The following OSBPL9 variants were observed in gnomAD, a reference collection of about 807,000 sequenced individuals.
OSBPL9 encodes oxysterol binding protein like 9.
A neutral mutation model predicts 106.6 loss-of-function variants in OSBPL9; 40 were observed. That is an observed-to-expected ratio of 0.38 (90% CI 0.29 to 0.49). The LOEUF (loss-of-function observed/expected upper bound fraction) is 0.49, where lower values mean the gene tolerates loss of function less well. Ranked by LOEUF, OSBPL9 falls within the 20% of genes least tolerant of loss-of-function variation. The pLI is 0.97. For missense variants in OSBPL9, 609 were observed against 887.2 expected (o/e 0.69, Z 3.98); for synonymous variants, 269 against 295.4 (o/e 0.91, Z 0.92).
At chr1:51,756,404 A>T (rs998711067) in intron 9 of OSBPL9, 46 bp downstream of exon 9, 1 of 1,562,430 alleles carries the variant, frequency 6.4e-7, no homozygotes, top group African/African-American at 1.4e-5. Context: ...TCTGCAGAGC[A>T]TTATAACCAG....
Position 51,785,587 on chromosome 1 carries a change from G to A in OSBPL9, c.1830-221G>A, listed in dbSNP as rs988946051. 5 of 539,850 alleles carry A rather than the reference G, an allele frequency of 9.3e-6. No individual in the cohort carries two copies. In the African/African-American group the frequency reaches 9.9e-5, roughly 11 times the overall value. 33.4% of individuals were successfully genotyped at this position (539,850 alleles called of 1,614,324 possible). On this transcript the variant is annotated intron_variant, in intron 20 of 23. Transcript: ENST00000428468. ...CTTGCACCCAGAATAGGACGTTCTT[G>A]CCCAAACCCACCATTCTTGGGATCT...
At chr1:51,542,536 G>GC in the OSBPL9 span, among the ~76,000 whole-genome samples, 4 of 152,334 alleles carry the variant, frequency 2.6e-5, no homozygotes, top group Middle Eastern at 3.4e-3. Flanking sequence ...CTATAAGGCA[G>GC]CACTCGATAG....
intron 8 of OSBPL9, chr1:51,752,399 G>A: frequency 2.6e-6 from 1 of 383,388 alleles, no homozygotes; most frequent in South Asian, 2.0e-5. Context: ...ATCTAAAATA[G>A]CCTATACCTC....
intron 4 of OSBPL9, among the ~76,000 whole-genome samples, chr1:51,715,369 A>G (rs1476940666): frequency 6.6e-6 from 1 of 152,232 alleles, no homozygotes; most frequent in Admixed American, 6.5e-5. Context: ...AGTTTCATAA[A>G]TGACTATAGC....
intron 4 of OSBPL9, among the ~76,000 whole-genome samples, chr1:51,717,706 T>TAAC (rs555079641): frequency 1.3e-3 from 185 of 143,984 alleles, no homozygotes; most frequent in African/African-American, 4.6e-3. Context: ...AGACAGGCAA[T>TAAC]AACAAAGTAC....
chr1:51,760,139 C>T (rs1671174367), intron 9 of OSBPL9: 1 of 153,812 alleles, frequency 6.5e-6, no homozygotes, highest in Non-Finnish European at 1.4e-5. Flanking sequence ...AGGTTGTATG[C>T]AAATACTACA....
chr1:51,670,110 C>T lies in OSBPL9; in HGVS notation c.241+598C>T, dbSNP rs75435390. On this transcript the variant is annotated intron_variant, in intron 3 of 23. Coordinates refer to ENST00000428468, the MANE Select transcript of OSBPL9 (RefSeq NM_024586.6). ...TTCGGCATTGCATGCTATGGTTCAC[C>T]GGTAGAAAGGGTAAGGTACTGTATG... 6.0e-3 allele frequency among the ~76,000 whole-genome samples: 912 copies of T among 152,228 alleles called. 4 individuals carry two copies. Among genetic ancestry groups the T allele is most frequent in the African/African-American group, 0.014 (578 of 41,530 alleles).
intron 3 of OSBPL9, among the ~76,000 whole-genome samples, chr1:51,686,879 A>T (rs973878681): frequency 6.6e-6 from 1 of 152,214 alleles, no homozygotes; most frequent in Non-Finnish European, 1.5e-5. Flanking sequence ...AAACAAACCA[A>T]TATGTTTTCT....
At chr1:51,751,894 T>C (rs1448415547) in intron 8 of OSBPL9, among the ~76,000 whole-genome samples, 1 of 152,224 alleles carries the variant, frequency 6.6e-6, no homozygotes, top group Non-Finnish European at 1.5e-5. Context: ...AAACTACGTT[T>C]TAGGGTTCTT....
At chr1:51,691,083 C>A (rs1654850421) in intron 3 of OSBPL9, among the ~76,000 whole-genome samples, 1 of 151,998 alleles carries the variant, frequency 6.6e-6, no homozygotes. Context: ...GGGCACTTAC[C>A]ATGAACGGAG....
At chr1:51,542,180 C>T in the OSBPL9 span, among the ~76,000 whole-genome samples, 2 of 152,234 alleles carry the variant, frequency 1.3e-5, no homozygotes, top group Admixed American at 6.5e-5. Context: ...TAAACCACTG[C>T]ACCTGGCATA....
chr1:51,759,862 T>A (rs2149061351), intron 9 of OSBPL9: 1 of 152,182 alleles, frequency 6.6e-6, no homozygotes, highest in African/African-American at 2.4e-5. Flanking sequence ...TTCTCTACAC[T>A]CCCCAGTTAG....
At chr1:51,644,798 C>T (rs539787037) in intron 1 of OSBPL9, among the ~76,000 whole-genome samples, 4 of 152,176 alleles carry the variant, frequency 2.6e-5, no homozygotes, top group Non-Finnish European at 4.4e-5. Flanking sequence ...TCACTTTACT[C>T]GGTCCTCTAA....
In OSBPL9 at chr1:51,761,987, A is replaced by G. The variant is rs372933869; in HGVS notation, c.778+16A>G. On this transcript the variant is annotated intron_variant, in intron 11 of 23. Coordinates refer to ENST00000428468, the MANE Select transcript of OSBPL9 (RefSeq NM_024586.6). ...AATAGTACAGGTACAGATTTGCATA[A>G]TTTCTTTATGTCTCATAACTCTATT... 46 of 1,540,858 alleles carry G rather than the reference A, an allele frequency of 3.0e-5. No homozygotes were observed. The highest frequency in any genetic ancestry group is 3.8e-5 in the Non-Finnish European group (42 of 1,113,710).
the OSBPL9 span, among the ~76,000 whole-genome samples, chr1:51,570,272 C>A: frequency 6.6e-6 from 1 of 152,208 alleles, no homozygotes; most frequent in Non-Finnish European, 1.5e-5. Flanking sequence ...CAATGTGTTT[C>A]ATTCACATAT....
the OSBPL9 span, among the ~76,000 whole-genome samples, chr1:51,547,254 A>G: frequency 7.1e-3 from 1,079 of 152,346 alleles, 8 homozygotes; most frequent in African/African-American, 0.025. Context: ...TGGTTATCAT[A>G]TGGAGAGGAG....
upstream of OSBPL9, among the ~76,000 whole-genome samples, chr1:51,612,412 A>G (rs1458156261): frequency 6.6e-6 from 1 of 152,116 alleles, no homozygotes; most frequent in African/African-American, 2.4e-5. Context: ...CATTGACTCT[A>G]CCTTTCAGTT....
chr1:51,772,372 G>A (rs1674114406), intron 13 of OSBPL9, among the ~76,000 whole-genome samples, 190 bp downstream of exon 13: 1 of 152,172 alleles, frequency 6.6e-6, no homozygotes, highest in South Asian at 2.1e-4. Context: ...AAAATTAGCT[G>A]GGCATGGTGG....
At chr1:51,669,657 C>G (rs1415792887) in intron 3 of OSBPL9, 145 bp downstream of exon 3, 1 of 757,242 alleles carries the variant, frequency 1.3e-6, no homozygotes, top group Non-Finnish European at 2.3e-6. Flanking sequence ...TGAAGTGGTA[C>G]TGCAGGTTAG....
Sources: allele counts gnomAD v4.1 joint callset (sites outside exome capture counted in the v4.1 genomes callset), GRCh38; gene constraint gnomAD v4.1.1; transcripts MANE v1.5; gene names NCBI Gene and HGNC (gene_info 2026-07-23, HGNC 2026-07-21).